The following NELL1 variants were observed in gnomAD, a reference collection of about 807,000 sequenced individuals.
NELL1 encodes the protein protein kinase C-binding protein NELL1.
NELL1 carries 76 observed loss-of-function variants against 107.4 expected under a neutral mutation model. The ratio of observed to expected loss-of-function variants is 0.71; its 90% confidence interval spans 0.59 to 0.86. The LOEUF is 0.86. Among genes scored for constraint, NELL1 ranks in the 40% least tolerant of loss-of-function variants. The probability of loss-of-function intolerance (pLI) is 0.00; values close to 1 mark genes in which losing one functional copy is unlikely to be tolerated. For missense variants in NELL1, 1,024 were observed against 1,005.5 expected (o/e 1.02, Z -0.25); for synonymous variants, 353 against 341.2 (o/e 1.03, Z -0.38).
chr11:21,307,899 A>G (rs1276316096), intron 14 of NELL1, among the ~76,000 whole-genome samples: 1 of 152,046 alleles, frequency 6.6e-6, no homozygotes, highest in Non-Finnish European at 1.5e-5. Flanking sequence ...TTTTTTAAAA[A>G]TTATTGAGTA....
In NELL1 at chr11:20,755,546, T is replaced by TTTA. The variant is rs1564894982; in HGVS notation, c.185-28132_185-28131insATT. On this transcript the variant is annotated intron_variant, in intron 2 of 19. Transcript: ENST00000357134. The stretch of plus-strand genomic sequence containing the variant: ...AAGACCTGTGTGGGTTTTTGTTTTT[T>TTTA]TTTGTTTTTGTTTTTGTTTTTTTTT... Among the ~76,000 whole-genome samples, 13 of 45,550 alleles carry TTTA rather than the reference T, an allele frequency of 2.9e-4. 1 individual carries two copies. In the East Asian group the frequency reaches 6.3e-3, roughly 22 times the overall value. The allele number at this position is 45,550 out of a possible 152,430, so 29.9% of individuals were successfully genotyped here.
intron 4 of NELL1, among the ~76,000 whole-genome samples, chr11:20,873,856 C>G (rs932753908): frequency 6.6e-6 from 1 of 152,012 alleles, no homozygotes; most frequent in Non-Finnish European, 1.5e-5. Flanking sequence ...CTCGACCCCC[C>G]AGGCTCAAGG....
At chr11:21,485,681 G>A (rs1301668883) in intron 15 of NELL1, among the ~76,000 whole-genome samples, 7 of 151,426 alleles carry the variant, frequency 4.6e-5, no homozygotes, top group Non-Finnish European at 8.8e-5. Flanking sequence ...CCAGTCTGCA[G>A]CACAGTCACC....
chr11:20,956,586 C>T (rs1306117106), intron 11 of NELL1, among the ~76,000 whole-genome samples: 2 of 148,618 alleles, frequency 1.3e-5, no homozygotes, highest in Non-Finnish European at 3.0e-5. Context: ...GCAGAGCTTG[C>T]AGTGAGCTGA....
chr11:20,680,325 A>G (rs1184970808), intron 2 of NELL1, among the ~76,000 whole-genome samples: 1 of 152,034 alleles, frequency 6.6e-6, no homozygotes, highest in African/African-American at 2.4e-5. Flanking sequence ...AAATACATTC[A>G]CCCCATCGCA....
intron 12 of NELL1, among the ~76,000 whole-genome samples, chr11:21,024,485 T>TA (rs1462514280): frequency 1.3e-5 from 2 of 152,130 alleles, no homozygotes; most frequent in East Asian, 3.9e-4. Flanking sequence ...AAGTGTTAGT[T>TA]AAAATTTATT....
intron 12 of NELL1, among the ~76,000 whole-genome samples, chr11:21,013,779 G>T (rs2134290789): frequency 6.6e-6 from 1 of 152,144 alleles, no homozygotes; most frequent in East Asian, 1.9e-4. Flanking sequence ...GATTTCCTTA[G>T]TTTTTGCCTA....
intron 3 of NELL1, among the ~76,000 whole-genome samples, chr11:20,808,438 A>G (rs1857429436): frequency 6.6e-6 from 1 of 152,200 alleles, no homozygotes; most frequent in Admixed American, 6.5e-5. Flanking sequence ...AGCAGAAGGA[A>G]GCAGTCTTTC....
chr11:20,897,383 C>T (rs1849764479), intron 5 of NELL1, among the ~76,000 whole-genome samples: 1 of 152,134 alleles, frequency 6.6e-6, no homozygotes, highest in African/African-American at 2.4e-5. Context: ...AAACTGGATC[C>T]CTTCCTTACA....
chr11:21,113,636 G>A lies in NELL1; in HGVS notation c.1348G>A (p.Val450Met). The change falls in exon 13 of 20, where the codon GTG (valine) becomes ATG (methionine). Residue 450 changes from valine to methionine, a missense_variant. Physicochemically the swap from Val to Met is conservative, Grantham distance 21. Transcript: ENST00000357134. ...GATGCATTACTGTCATGCCAATACT[G>A]TGTGTGTCAACCTTCCTGGGTTATA... is the stretch of plus-strand genomic sequence containing the variant. ...AKMHYCHANT[V>M]CVNLPGLYRC... 3 of 1,612,074 alleles carry A rather than the reference G, an allele frequency of 1.9e-6. No individual in the cohort carries two copies. The highest frequency in any genetic ancestry group is 2.5e-6 in the Non-Finnish European group (3 of 1,178,690).
intron 12 of NELL1, among the ~76,000 whole-genome samples, chr11:20,975,129 T>G (rs1590484277): frequency 6.6e-6 from 1 of 152,076 alleles, no homozygotes. Flanking sequence ...CTGCCTCAGC[T>G]TCCGAAGTAG....
chr11:20,750,198 G>A (rs1233458966), intron 2 of NELL1, among the ~76,000 whole-genome samples: 3 of 152,038 alleles, frequency 2.0e-5, no homozygotes, highest in Non-Finnish European at 4.4e-5. Flanking sequence ...ATGATGTTTA[G>A]CATCTTTTCA....
At chr11:21,459,441 T>C (rs1045382881) in intron 15 of NELL1, among the ~76,000 whole-genome samples, 1 of 151,076 alleles carries the variant, frequency 6.6e-6, no homozygotes, top group South Asian at 2.1e-4. Context: ...ATATGGAACA[T>C]TGGGTTTTTG....
At chr11:21,031,076 T>G (rs189946666) in intron 12 of NELL1, among the ~76,000 whole-genome samples, 32 of 152,296 alleles carry the variant, frequency 2.1e-4, no homozygotes, top group African/African-American at 7.0e-4. Context: ...TATTATACTT[T>G]CAATATAATA....
At chr11:21,479,836 TA>T (rs1854446022) in intron 15 of NELL1, among the ~76,000 whole-genome samples, 1 of 152,142 alleles carries the variant, frequency 6.6e-6, no homozygotes, top group South Asian at 2.1e-4. Context: ...CCACAAAAAT[TA>T]AAACTTTACA....
intron 12 of NELL1, among the ~76,000 whole-genome samples, chr11:20,981,359 A>G (rs781238086): frequency 2.4e-4 from 37 of 152,186 alleles, no homozygotes; most frequent in Non-Finnish European, 4.6e-4. Flanking sequence ...CTCAGGCCCC[A>G]TCAAAGGTAT....
intron 12 of NELL1, among the ~76,000 whole-genome samples, chr11:21,089,046 C>T (rs1381301108): frequency 6.6e-6 from 1 of 152,122 alleles, no homozygotes; most frequent in East Asian, 1.9e-4. Context: ...GTGAAGCCTC[C>T]CTACTGTGGC....
At chr11:20,902,197 A>G (rs1444619304) in intron 5 of NELL1, among the ~76,000 whole-genome samples, 2 of 152,070 alleles carry the variant, frequency 1.3e-5, no homozygotes, top group African/African-American at 4.8e-5. Context: ...AAGTGTGACA[A>G]TACATCAAGG....
chr11:21,524,653 AAATTG>A (rs768559484), intron 15 of NELL1, among the ~76,000 whole-genome samples: 1 of 152,206 alleles, frequency 6.6e-6, no homozygotes, highest in Non-Finnish European at 1.5e-5. Context: ...AAATAAAGGC[AAATTG>A]ATAGTCAAAG....
Sources: gnomAD v4.1 joint callset for allele counts (sites outside exome capture counted in the v4.1 genomes callset) on GRCh38, gnomAD v4.1.1 for gene constraint, MANE v1.5 for transcripts, NCBI Gene and HGNC (gene_info 2026-07-23, HGNC 2026-07-21) for gene names.